Variants in PRKG1 observed in about 807,000 individuals in gnomAD.
The protein encoded by PRKG1 is cGMP-dependent protein kinase 1.
PRKG1 carries 35 observed loss-of-function variants against 88.1 expected under a neutral mutation model. The ratio of observed to expected loss-of-function variants is 0.40; its 90% CI spans 0.30 to 0.53. The LOEUF is 0.53. PRKG1 is among the 20% of genes least tolerant of loss of function. The pLI is 0.59. For missense variants in PRKG1, 540 were observed against 839.8 expected, an observed-to-expected ratio of 0.64 and a Z score of 4.41; for synonymous variants, 303 against 292.5, an observed-to-expected ratio of 1.04 and a Z score of -0.37.
chr10:51,121,219 A>C (rs1470735651), intron 1 of PRKG1, among the ~76,000 whole-genome samples: 1 of 152,190 alleles, frequency 6.6e-6, no homozygotes, highest in Non-Finnish European at 1.5e-5. Context: ...TTACATCTGT[A>C]GGCCCCTTTT....
chr10:51,134,206 G>A (rs1209759218), intron 1 of PRKG1, among the ~76,000 whole-genome samples: 1 of 152,112 alleles, frequency 6.6e-6, no homozygotes, highest in Non-Finnish European at 1.5e-5. Flanking sequence ...TAGGAGTCAA[G>A]GATTTAATGT....
At chr10:51,747,877 A>T (rs1188455560) in intron 3 of PRKG1, among the ~76,000 whole-genome samples, 3 of 152,050 alleles carry the variant, frequency 2.0e-5, no homozygotes, top group Non-Finnish European at 4.4e-5. Flanking sequence ...TCAAGCGAGA[A>T]TTCTTTGAAT....
At chr10:51,702,500 T>C (rs1344730967) in intron 3 of PRKG1, among the ~76,000 whole-genome samples, 2 of 152,164 alleles carry the variant, frequency 1.3e-5, no homozygotes. Context: ...AAAGTTTAAA[T>C]TTTAGATATT....
At chr10:52,104,593 T>G (rs1847371934) in intron 7 of PRKG1, among the ~76,000 whole-genome samples, 1 of 152,114 alleles carries the variant, frequency 6.6e-6, no homozygotes, top group Non-Finnish European at 1.5e-5. Context: ...GCACATAGGT[T>G]TACCTCAAAA....
chr10:52,178,816 G>A (rs1334248505), intron 9 of PRKG1, among the ~76,000 whole-genome samples: 2 of 151,834 alleles, frequency 1.3e-5, no homozygotes, highest in African/African-American at 4.8e-5. Context: ...AGCTACTCCT[G>A]TTGGCTTTTG....
intron 1 of PRKG1, among the ~76,000 whole-genome samples, chr10:51,082,643 A>G (rs1206094954): frequency 1.3e-5 from 2 of 152,130 alleles, no homozygotes; most frequent in Admixed American, 6.6e-5. Flanking sequence ...AGACCAGGAT[A>G]AAGTGTTCAT....
At chr10:51,247,695 A>G (rs916012159) in intron 2 of PRKG1, among the ~76,000 whole-genome samples, 1 of 151,980 alleles carries the variant, frequency 6.6e-6, no homozygotes, top group African/African-American at 2.4e-5. Flanking sequence ...ATGATACATC[A>G]ATGAATGAGC....
intron 2 of PRKG1, among the ~76,000 whole-genome samples, chr10:51,314,310 T>G (rs1841266083): frequency 6.6e-6 from 1 of 152,186 alleles, no homozygotes; most frequent in African/African-American, 2.4e-5. Flanking sequence ...GATCACATGC[T>G]GTCTGTTTTT....
intron 12 of PRKG1, among the ~76,000 whole-genome samples, chr10:52,276,540 C>A (rs1841878783): frequency 6.6e-6 from 1 of 152,070 alleles, no homozygotes; most frequent in Admixed American, 6.6e-5. Flanking sequence ...TCATAAATAA[C>A]CTTCTATTTC....
chr10:52,026,110 G>C (rs1024083039), intron 5 of PRKG1, among the ~76,000 whole-genome samples: 5 of 151,962 alleles, frequency 3.3e-5, no homozygotes, highest in South Asian at 2.1e-4. Flanking sequence ...AAACTGGCTA[G>C]CCATATACAG....
At chr10:51,813,777 C>G (rs780065596) in intron 4 of PRKG1, among the ~76,000 whole-genome samples, 5 of 152,068 alleles carry the variant, frequency 3.3e-5, no homozygotes, top group Non-Finnish European at 7.4e-5. Flanking sequence ...TGATTTTGTT[C>G]TTGGAGTACC....
intron 1 of PRKG1, among the ~76,000 whole-genome samples, chr10:51,109,492 T>G (rs767380426): frequency 6.6e-6 from 1 of 152,136 alleles, no homozygotes; most frequent in Non-Finnish European, 1.5e-5. Flanking sequence ...AAAAGGGATA[T>G]TCTTCAAGAA....
intron 5 of PRKG1, among the ~76,000 whole-genome samples, chr10:51,948,549 C>T (rs7075875): frequency 0.012 from 1,836 of 147,150 alleles, 32 homozygotes; most frequent in African/African-American, 0.04. Context: ...TGTGTGTGTG[C>T]GTGTGTGTGT....
At position 51,437,640 on chromosome 10, in the gene PRKG1, G is replaced by A. The variant is rs546699537; in HGVS notation, c.479-30083G>A. Among the ~76,000 whole-genome samples the A allele has an allele frequency of 1.4e-4, 22 of 151,906 alleles. No homozygotes were observed. In the South Asian group the frequency reaches 3.7e-3, roughly 26 times the overall value. On this transcript the variant is annotated intron_variant, in intron 2 of 17. Coordinates refer to ENST00000373980, the MANE Select transcript of PRKG1 (RefSeq NM_006258.4). ...AATAATTACAATTATCTTTCGGGAA[G>A]CCCAAAACATACTAAGCATTTAAAT... is the stretch of plus-strand genomic sequence containing the variant.
chr10:51,428,424 G>A (rs1320891832), intron 2 of PRKG1, among the ~76,000 whole-genome samples: 2 of 152,134 alleles, frequency 1.3e-5, no homozygotes, highest in Non-Finnish European at 2.9e-5. Context: ...TGAAAAAGAA[G>A]TATAGGGATT....
intron 3 of PRKG1, among the ~76,000 whole-genome samples, chr10:51,500,691 C>T (rs1164215404): frequency 6.6e-6 from 1 of 152,108 alleles, no homozygotes; most frequent in Non-Finnish European, 1.5e-5. Context: ...ACCAAAATCC[C>T]CTTTCTCTGT....
chr10:51,317,465 C>T (rs765208879), intron 2 of PRKG1, among the ~76,000 whole-genome samples: 5 of 152,284 alleles, frequency 3.3e-5, no homozygotes, highest in East Asian at 1.9e-4. Flanking sequence ...CTTCCTAACA[C>T]GCACACAAAC....
At chr10:51,656,174 A>G (rs1454871360) in intron 3 of PRKG1, among the ~76,000 whole-genome samples, 1 of 152,190 alleles carries the variant, frequency 6.6e-6, no homozygotes, top group African/African-American at 2.4e-5. Context: ...TCTCAAGTCC[A>G]TGATTCTTAT....
rs1163885442 is a variant in PRKG1 at position 51,970,782 on chromosome 10, TATATC to T, written c.762+63214_762+63218del. ...TATCAGATTATATATATATATCAGA[TATATC>T]AGATTATATATATATATCAGATGAT... On this transcript the variant is annotated intron_variant, in intron 5 of 17. Coordinates refer to ENST00000373980, the MANE Select transcript of PRKG1 (RefSeq NM_006258.4). Among the ~76,000 whole-genome samples the T allele has an allele frequency of 1.4e-5, 2 of 146,656 alleles. 1 individual carries two copies. The highest frequency in any genetic ancestry group is 5.0e-5 in the African/African-American group (2 of 40,108).
Sources: allele counts gnomAD v4.1 joint callset (sites outside exome capture counted in the v4.1 genomes callset), GRCh38; gene constraint gnomAD v4.1.1; transcripts MANE v1.5; gene names NCBI Gene and HGNC (gene_info 2026-07-23, HGNC 2026-07-21).